CTBP2: variants seen among roughly 807,000 people sequenced by gnomAD.
The protein encoded by CTBP2 is C-terminal binding protein 2, also known as C-terminal-binding protein 2.
CTBP2 carries 30 observed loss-of-function variants against 80.3 expected under a neutral mutation model. That is an observed-to-expected ratio of 0.37 (90% confidence interval 0.28 to 0.51). CTBP2 has a LOEUF of 0.51. Among genes scored for constraint, CTBP2 ranks in the 20% least tolerant of loss-of-function variants. CTBP2 has a pLI of 0.93. For synonymous variants in CTBP2, 594 were observed against 587.4 expected (o/e 1.01, Z -0.16); for missense variants, 1,212 against 1,375.3 (o/e 0.88, Z 1.88).
intron 1 of CTBP2, among the ~76,000 whole-genome samples, chr10:125,131,148 G>A (rs945804693): frequency 2.0e-5 from 3 of 152,190 alleles, no homozygotes; most frequent in Non-Finnish European, 4.4e-5. Flanking sequence ...GGAGCAGCCC[G>A]CAGAGTGCAG....
intron 1 of CTBP2, among the ~76,000 whole-genome samples, chr10:125,153,099 T>TC (rs2133442221): frequency 6.6e-6 from 1 of 152,290 alleles, no homozygotes; most frequent in South Asian, 2.1e-4. Flanking sequence ...GCCCGGCAGC[T>TC]CCAACAGCAA....
At chr10:125,087,603 C>A (rs1188517749) in intron 2 of CTBP2, among the ~76,000 whole-genome samples, 1 of 152,176 alleles carries the variant, frequency 6.6e-6, no homozygotes, top group Non-Finnish European at 1.5e-5. Flanking sequence ...GTCTCTCATC[C>A]CCCCACTTAG....
At chr10:125,126,760 T>C (rs2136088926) in intron 1 of CTBP2, among the ~76,000 whole-genome samples, 1 of 152,300 alleles carries the variant, frequency 6.6e-6, no homozygotes, top group South Asian at 2.1e-4. Flanking sequence ...GACACACATA[T>C]ACACATCTAT....
At chr10:125,137,340 G>C (rs944133340) in intron 1 of CTBP2, among the ~76,000 whole-genome samples, 2 of 152,178 alleles carry the variant, frequency 1.3e-5, no homozygotes, top group African/African-American at 4.8e-5. Context: ...TTCCCAAGGG[G>C]CCTGGGAGTC....
intron 1 of CTBP2, among the ~76,000 whole-genome samples, chr10:125,011,878 C>T (rs775249914): frequency 9.2e-5 from 14 of 152,332 alleles, no homozygotes; most frequent in South Asian, 2.1e-4. Context: ...GCCCAGACAC[C>T]GTCCTGTTGG....
intron 1 of CTBP2, among the ~76,000 whole-genome samples, chr10:125,118,900 G>A (rs1051326212): frequency 2.6e-5 from 4 of 152,342 alleles, no homozygotes; most frequent in Admixed American, 2.6e-4. Context: ...AGTGGACAAG[G>A]CGGCTGCTGG....
At chr10:125,054,646 A>G (rs1242401021) in intron 2 of CTBP2, among the ~76,000 whole-genome samples, 2 of 152,244 alleles carry the variant, frequency 1.3e-5, no homozygotes, top group Non-Finnish European at 2.9e-5. Flanking sequence ...ACAGCAATAG[A>G]TAACTAATAC....
At position 125,019,094 on chromosome 10, in the gene CTBP2, G is replaced by T. The variant is rs563339196; in HGVS notation, c.1678+6988C>A. ...TGCTGTTGGGCTAAATTTAACTACA[G>T]TGTACCTTCCTGTTCCTTCAGCAGT... On this transcript the variant is annotated intron_variant, in intron 1 of 8. Transcript: ENST00000309035. 2.6e-4 allele frequency among the ~76,000 whole-genome samples: 40 copies of T among 152,360 alleles called. No homozygotes were observed. In the South Asian group the frequency reaches 7.9e-3, roughly 30 times the overall value.
chr10:125,093,775 G>A (rs1590723552), intron 2 of CTBP2, among the ~76,000 whole-genome samples: 1 of 152,210 alleles, frequency 6.6e-6, no homozygotes, highest in Admixed American at 6.5e-5. Context: ...GGGCAGCACA[G>A]AACGCGCGCA....
intron 4 of CTBP2, among the ~76,000 whole-genome samples, chr10:124,995,380 A>G (rs1309274681): frequency 1.3e-5 from 2 of 152,058 alleles, no homozygotes; most frequent in African/African-American, 4.8e-5. Flanking sequence ...CATTTCATAA[A>G]CCCATGGGGT....
intron 2 of CTBP2, among the ~76,000 whole-genome samples, chr10:125,074,499 C>T (rs967993636): frequency 3.9e-5 from 6 of 152,208 alleles, no homozygotes; most frequent in East Asian, 1.9e-4. Flanking sequence ...GGATCACAGG[C>T]GCCCGCCATC....
chr10:125,015,255 A>C (rs552155249), intron 1 of CTBP2, among the ~76,000 whole-genome samples: 2 of 152,346 alleles, frequency 1.3e-5, no homozygotes, highest in Admixed American at 6.5e-5. Context: ...GCAAGTGACC[A>C]ACACAAAAGA....
At chr10:125,003,558 A>AGCTCCCC in intron 1 of CTBP2, 66 bp from the exon 4 acceptor site, 1 of 1,300,410 alleles carries the variant, frequency 7.7e-7, no homozygotes, top group Non-Finnish European at 1.0e-6. Flanking sequence ...GTGGAGGGGC[A>AGCTCCCC]GCTCCCCACT....
At chr10:125,074,425 G>A (rs536129571) in intron 2 of CTBP2, among the ~76,000 whole-genome samples, 292 of 152,278 alleles carry the variant, frequency 1.9e-3, no homozygotes, top group Non-Finnish European at 3.5e-3. Context: ...TGCATTCTCT[G>A]CTCACTGCAA....
At chr10:125,136,280 T>G (rs1258797866) in intron 1 of CTBP2, among the ~76,000 whole-genome samples, 2 of 152,098 alleles carry the variant, frequency 1.3e-5, no homozygotes, top group Non-Finnish European at 2.9e-5. Flanking sequence ...CTACCTCCTG[T>G]GAAAGGCCAG....
chr10:125,084,463 C>G (rs1847671275), intron 2 of CTBP2, among the ~76,000 whole-genome samples: 1 of 152,164 alleles, frequency 6.6e-6, no homozygotes, highest in Non-Finnish European at 1.5e-5. Flanking sequence ...GAGGGGCTGG[C>G]CTCTAGGTGG....
intron 1 of CTBP2, among the ~76,000 whole-genome samples, chr10:125,152,788 A>G (rs974949020): frequency 6.6e-6 from 1 of 152,104 alleles, no homozygotes; most frequent in African/African-American, 2.4e-5. Flanking sequence ...ACTAGGAAAT[A>G]TGGGTAGGAA....
intron 3 of CTBP2, among the ~76,000 whole-genome samples, chr10:125,037,707 T>C (rs1196923469): frequency 6.6e-6 from 1 of 152,238 alleles, no homozygotes; most frequent in Non-Finnish European, 1.5e-5. Context: ...CAGCCTATAC[T>C]AGACAATACT....
At chr10:125,130,253 G>A (rs1397013504) in intron 1 of CTBP2, among the ~76,000 whole-genome samples, 1 of 151,994 alleles carries the variant, frequency 6.6e-6, no homozygotes, top group African/African-American at 2.4e-5. Flanking sequence ...TCATCATATT[G>A]GTCAGGCTGG....
Sources: gnomAD v4.1 joint callset for allele counts (sites outside exome capture counted in the v4.1 genomes callset) on GRCh38, gnomAD v4.1.1 for gene constraint, MANE v1.5 for transcripts, NCBI Gene and HGNC (gene_info 2026-07-23, HGNC 2026-07-21) for gene names.